The following KIF26B variants were observed in gnomAD, a reference collection of about 807,000 sequenced individuals.
KIF26B encodes kinesin-like protein KIF26B.
KIF26B carries 63 observed loss-of-function variants against 151.2 expected under a neutral mutation model. The observed-to-expected ratio is 0.42, with a 90% CI of 0.34 to 0.51. The LOEUF (loss-of-function observed/expected upper bound fraction) is 0.51, where lower values mean the gene tolerates loss of function less well. KIF26B is among the 20% of genes least tolerant of loss of function. KIF26B has a pLI of 0.07. For missense variants in KIF26B, 2,813 were observed against 2,913.6 expected, an observed-to-expected ratio of 0.97 and a Z score of 0.79; for synonymous variants, 1,357 against 1,262.1, an observed-to-expected ratio of 1.08 and a Z score of -1.59.
intron 3 of KIF26B, among the ~76,000 whole-genome samples, chr1:245,413,265 T>C (rs935891420): frequency 6.6e-6 from 1 of 152,196 alleles, no homozygotes; most frequent in African/African-American, 2.4e-5. Flanking sequence ...AGATGGATAT[T>C]TGGAGGTTTT....
chr1:245,370,472 G>A, intron 3 of KIF26B: 1 of 371,250 alleles, frequency 2.7e-6, no homozygotes, highest in Non-Finnish European at 5.4e-6. Context: ...TAAATACAAT[G>A]CTCAGGTGAA....
chr1:245,248,513 CACTA>C (rs1163530689), intron 2 of KIF26B, among the ~76,000 whole-genome samples: 3 of 152,294 alleles, frequency 2.0e-5, no homozygotes, highest in African/African-American at 4.8e-5. Flanking sequence ...TCACCAAATC[CACTA>C]ACTATTAATC....
intron 2 of KIF26B, among the ~76,000 whole-genome samples, chr1:245,319,911 G>A (rs1671853630): frequency 6.6e-6 from 1 of 152,140 alleles, no homozygotes; most frequent in South Asian, 2.1e-4. Flanking sequence ...GATTCCTTAC[G>A]TGCGAATGAT....
At chr1:245,316,538 A>AT (rs886691988) in intron 2 of KIF26B, among the ~76,000 whole-genome samples, 26 of 151,568 alleles carry the variant, frequency 1.7e-4, no homozygotes, top group African/African-American at 5.6e-4. Context: ...ATGATTTTCA[A>AT]TTTTTTTTTA....
chr1:245,270,904 TC>T (rs1419287853), intron 2 of KIF26B, among the ~76,000 whole-genome samples: 1 of 152,236 alleles, frequency 6.6e-6, no homozygotes, highest in Non-Finnish European at 1.5e-5. Flanking sequence ...TACATTTAAG[TC>T]CTTTAATCCA....
chr1:245,213,545 G>A (rs754879983), intron 2 of KIF26B, among the ~76,000 whole-genome samples: 11 of 152,196 alleles, frequency 7.2e-5, no homozygotes, highest in Non-Finnish European at 1.3e-4. Flanking sequence ...GAAGAGAGAT[G>A]GGAGGACAGA....
intron 2 of KIF26B, among the ~76,000 whole-genome samples, chr1:245,262,461 AT>A (rs958467308): frequency 1.3e-5 from 2 of 149,862 alleles, no homozygotes; most frequent in African/African-American, 4.9e-5. Flanking sequence ...TTTGTTTTTT[AT>A]TTTTTTTTGA....
chr1:245,448,608 A>G (rs905737214), intron 4 of KIF26B, among the ~76,000 whole-genome samples: 1 of 152,212 alleles, frequency 6.6e-6, no homozygotes, highest in Non-Finnish European at 1.5e-5. Context: ...AGGAATTAAC[A>G]TGGACCTTGT....
In KIF26B at chr1:245,372,110, G is replaced by A. The variant is rs923669434; in HGVS notation, c.999+4743G>A. 6.1e-4 allele frequency among the ~76,000 whole-genome samples: 93 copies of A among 152,060 alleles called. 1 individual carries two copies. The highest frequency in any genetic ancestry group is 2.0e-3 in the African/African-American group (84 of 41,376). On this transcript the variant is annotated intron_variant, in intron 3 of 14. Transcript: ENST00000407071. ...AGCCGCAGAGCAGGAGGTGACTGGC[G>A]GGTGGGTGGGCATTACCTCCTGAGC...
intron 3 of KIF26B, among the ~76,000 whole-genome samples, chr1:245,407,462 TTC>T (rs61294196): frequency 0.062 from 9,449 of 152,138 alleles, 381 homozygotes; most frequent in African/African-American, 0.1. Flanking sequence ...CTTCTCCCAT[TTC>T]TCTCTTTTTC....
intron 9 of KIF26B, among the ~76,000 whole-genome samples, chr1:245,622,708 C>G (rs1420763419): frequency 6.6e-6 from 1 of 152,160 alleles, no homozygotes. Flanking sequence ...GAGTTGCTGT[C>G]CTGGCAGTAA....
At chr1:245,532,283 T>C (rs1391266736) in intron 4 of KIF26B, among the ~76,000 whole-genome samples, 1 of 146,286 alleles carries the variant, frequency 6.8e-6, no homozygotes, top group Non-Finnish European at 1.5e-5. Context: ...TCTTGCTCTG[T>C]CGCCCAGGCT....
At chr1:245,405,616 T>TTGATGTTG (rs1674116656) in intron 3 of KIF26B, among the ~76,000 whole-genome samples, 2 of 137,026 alleles carry the variant, frequency 1.5e-5, no homozygotes, top group East Asian at 4.0e-4. Context: ...TGCTGTCCTA[T>TTGATGTTG]TGATGTTGTT....
intron 2 of KIF26B, among the ~76,000 whole-genome samples, chr1:245,175,960 CTATATATATAGACATCTATATA>C (rs1558334648): frequency 8.4e-6 from 1 of 119,622 alleles, no homozygotes; most frequent in Non-Finnish European, 1.7e-5. Flanking sequence ...ATATCTATAT[CTATATATATAGACATCTATATA>C]TATAGATATA....
intron 3 of KIF26B, among the ~76,000 whole-genome samples, chr1:245,411,834 G>T (rs1305871477): frequency 6.6e-6 from 1 of 152,142 alleles, no homozygotes; most frequent in Admixed American, 6.5e-5. Flanking sequence ...AGCAAAGACT[G>T]AATAAGGCTT....
chr1:245,211,489 C>G (rs912544492), intron 2 of KIF26B, among the ~76,000 whole-genome samples: 10 of 152,130 alleles, frequency 6.6e-5, no homozygotes, highest in Non-Finnish European at 8.8e-5. Context: ...CCTTGAACTC[C>G]TAGACTCAAG....
intron 2 of KIF26B, among the ~76,000 whole-genome samples, chr1:245,333,121 C>A (rs1337656205): frequency 6.6e-6 from 1 of 152,052 alleles, no homozygotes; most frequent in Non-Finnish European, 1.5e-5. Context: ...TACTGGAAGG[C>A]CCAACAGATA....
chr1:245,653,741 G>A (rs562615162), intron 10 of KIF26B, among the ~76,000 whole-genome samples: 1 of 152,218 alleles, frequency 6.6e-6, no homozygotes, highest in East Asian at 1.9e-4. Context: ...TACCAGCAAA[G>A]CTTGCATATG....
chr1:245,450,151 A>G (rs1659353459), intron 4 of KIF26B, among the ~76,000 whole-genome samples: 1 of 152,180 alleles, frequency 6.6e-6, no homozygotes, highest in South Asian at 2.1e-4. Context: ...GCCCACTTGC[A>G]GCAACCAACT....
Sources: allele counts gnomAD v4.1 joint callset (sites outside exome capture counted in the v4.1 genomes callset), GRCh38; gene constraint gnomAD v4.1.1; transcripts MANE v1.5; gene names NCBI Gene and HGNC (gene_info 2026-07-23, HGNC 2026-07-21).